The following PTPRM variants were observed in gnomAD, a reference collection of about 807,000 sequenced individuals.
PTPRM encodes receptor-type tyrosine-protein phosphatase mu.
Under a neutral mutation model 186.7 loss-of-function variants are expected in PTPRM, and 47 were observed. The observed-to-expected ratio is 0.25, with a 90% CI of 0.20 to 0.32. The LOEUF (loss-of-function observed/expected upper bound fraction) is 0.32. PTPRM is among the 10% of genes least tolerant of loss of function. The pLI is 1.00. For synonymous variants in PTPRM, 668 were observed against 674.9 expected (o/e 0.99, Z 0.16); for missense variants, 1,494 against 1,865.0 (o/e 0.80, Z 3.66).
At chr18:7,868,231 T>C (rs1465544654) in intron 2 of PTPRM, among the ~76,000 whole-genome samples, 1 of 152,156 alleles carries the variant, frequency 6.6e-6, no homozygotes, top group African/African-American at 2.4e-5. Flanking sequence ...GAAGTTTTGT[T>C]CCCCACTGGT....
intron 2 of PTPRM, among the ~76,000 whole-genome samples, chr18:7,837,691 C>T (rs1363950823): frequency 1.3e-5 from 2 of 152,208 alleles, no homozygotes; most frequent in African/African-American, 2.4e-5. Flanking sequence ...GATCCACCCT[C>T]CTCAGCCTCC....
intron 2 of PTPRM, among the ~76,000 whole-genome samples, chr18:7,792,141 G>A (rs981629491): frequency 8.5e-5 from 13 of 152,062 alleles, no homozygotes; most frequent in African/African-American, 2.2e-4. Context: ...AAAAGTAAAC[G>A]GATTTTTAAT....
At chr18:7,699,228 G>C (rs112384719) in intron 1 of PTPRM, among the ~76,000 whole-genome samples, 1,868 of 152,226 alleles carry the variant, frequency 0.012, 42 homozygotes, top group African/African-American at 0.043. Context: ...CACGAAACCA[G>C]TCCCTCATGC....
chr18:8,139,468 G>A (rs542443474), intron 13 of PTPRM, among the ~76,000 whole-genome samples: 58 of 152,250 alleles, frequency 3.8e-4, no homozygotes, highest in African/African-American at 1.3e-3. Flanking sequence ...CAGTACACAC[G>A]GCTGCCGGGA....
In PTPRM at chr18:7,623,436, A is replaced by G. The variant is rs531824163; in HGVS notation, c.73+55545A>G. ...ACGTATATATGTATTATACATGTGTACTTACTGTTGTGTATAATAGTGAAT... is the reference window on the plus strand; with the variant it reads ...ACGTATATATGTATTATACATGTGTGCTTACTGTTGTGTATAATAGTGAAT... On this transcript the variant is annotated intron_variant, in intron 1 of 32. Coordinates refer to ENST00000580170, the MANE Select transcript of PTPRM (RefSeq NM_001105244.2). Among the ~76,000 whole-genome samples the G allele has an allele frequency of 3.9e-5, 6 of 152,256 alleles. No individual in the cohort carries two copies. In the South Asian group the frequency reaches 1.2e-3, roughly 32 times the overall value.
At chr18:7,799,840 C>CATATATAACA (rs2043860779) in intron 2 of PTPRM, among the ~76,000 whole-genome samples, 1 of 152,026 alleles carries the variant, frequency 6.6e-6, no homozygotes, top group African/African-American at 2.4e-5. Flanking sequence ...TTTTTATATG[C>CATATATAACA]ATATATAACA....
chr18:8,182,963 A>G (rs1265718562), intron 14 of PTPRM, among the ~76,000 whole-genome samples: 1 of 152,106 alleles, frequency 6.6e-6, no homozygotes, highest in Non-Finnish European at 1.5e-5. Context: ...TTCATAGCCC[A>G]TTGTTTTTCG....
chr18:8,147,412 T>A (rs1332311895), intron 14 of PTPRM, among the ~76,000 whole-genome samples: 1 of 152,208 alleles, frequency 6.6e-6, no homozygotes. Context: ...CTATAGCAAT[T>A]GCGAATGGGA....
intron 14 of PTPRM, among the ~76,000 whole-genome samples, chr18:8,183,176 A>G (rs1009865318): frequency 1.3e-5 from 2 of 152,250 alleles, no homozygotes; most frequent in African/African-American, 4.8e-5. Flanking sequence ...AATAAACCAT[A>G]GCTTCTAAAT....
At chr18:7,818,134 G>T (rs2044952882) in intron 2 of PTPRM, among the ~76,000 whole-genome samples, 1 of 152,002 alleles carries the variant, frequency 6.6e-6, no homozygotes, top group South Asian at 2.1e-4. Flanking sequence ...GAGTTGTGTG[G>T]GAAAAATGTC....
intron 1 of PTPRM, among the ~76,000 whole-genome samples, chr18:7,670,584 A>G (rs1052416192): frequency 1.3e-5 from 2 of 152,244 alleles, no homozygotes; most frequent in Non-Finnish European, 2.9e-5. Context: ...CAGTAGAAGC[A>G]GAGAACATAG....
intron 1 of PTPRM, among the ~76,000 whole-genome samples, chr18:7,642,320 T>G (rs919584247): frequency 1.3e-5 from 2 of 152,202 alleles, no homozygotes; most frequent in African/African-American, 4.8e-5. Context: ...ATTTGTTCTC[T>G]TTTAGGGACA....
At chr18:7,799,544 T>TC (rs945036305) in intron 2 of PTPRM, among the ~76,000 whole-genome samples, 8 of 152,316 alleles carry the variant, frequency 5.3e-5, no homozygotes, top group African/African-American at 1.9e-4. Flanking sequence ...GGTTTTGATA[T>TC]CCCCATTTAT....
At chr18:7,838,006 A>T (rs1353068791) in intron 2 of PTPRM, among the ~76,000 whole-genome samples, 3 of 152,172 alleles carry the variant, frequency 2.0e-5, no homozygotes, top group Admixed American at 2.0e-4. Context: ...GGGCACGCTG[A>T]TCCCAGTAAC....
rs1373083433 is a variant in PTPRM, at chr18:8,326,085, G to A, written c.2956+6871G>A. On this transcript the variant is annotated intron_variant, in intron 22 of 32. Transcript: ENST00000580170. ...AGACTCTGGATATTAGACCTTTGTT[G>A]GATGCATAGTTTGAAAATGTTTTCT... Among the ~76,000 whole-genome samples the A allele has an allele frequency of 5.9e-5, 9 of 152,018 alleles. No individual in the cohort carries two copies. In the East Asian group the frequency reaches 1.2e-3, roughly 20 times the overall value.
intron 7 of PTPRM, among the ~76,000 whole-genome samples, chr18:7,958,807 C>T (rs952468371): frequency 6.6e-5 from 10 of 152,088 alleles, no homozygotes; most frequent in Non-Finnish European, 1.0e-4. Context: ...AGGGGGAGAA[C>T]GTATAAGTTT....
intron 2 of PTPRM, among the ~76,000 whole-genome samples, chr18:7,819,812 T>C (rs1048529853): frequency 2.0e-5 from 3 of 151,994 alleles, no homozygotes; most frequent in African/African-American, 7.2e-5. Context: ...GTTTGAGCTG[T>C]GGGGCGCTGA....
chr18:7,751,750 A>G (rs777869693), intron 1 of PTPRM, among the ~76,000 whole-genome samples: 3 of 152,230 alleles, frequency 2.0e-5, no homozygotes, highest in Non-Finnish European at 2.9e-5. Context: ...CCAGGCACCT[A>G]ATATACATCT....
At chr18:8,186,983 C>T (rs2093651116) in intron 14 of PTPRM, among the ~76,000 whole-genome samples, 1 of 150,172 alleles carries the variant, frequency 6.7e-6, no homozygotes, top group African/African-American at 2.5e-5. Flanking sequence ...CTCTGTTGTG[C>T]AGGCTGGAGT....
Sources: allele counts gnomAD v4.1 joint callset (sites outside exome capture counted in the v4.1 genomes callset), GRCh38; gene constraint gnomAD v4.1.1; transcripts MANE v1.5; gene names NCBI Gene and HGNC (gene_info 2026-07-23, HGNC 2026-07-21).